TMC6: variants seen among roughly 807,000 people sequenced by gnomAD.
The protein encoded by TMC6 is transmembrane channel like 6.
In TMC6, 71 loss-of-function variants were observed where a neutral mutation model predicts 95.4. The ratio of observed to expected loss-of-function variants is 0.74; its 90% CI spans 0.61 to 0.91. The LOEUF (loss-of-function observed/expected upper bound fraction) is 0.91. Among genes scored for constraint, TMC6 ranks in the 40% least tolerant of loss-of-function variants. The pLI is 0.00. For missense variants in TMC6, 1,074 were observed against 1,079.1 expected, an observed-to-expected ratio of 1.00 and a Z score of 0.07; for synonymous variants, 514 against 483.1, an observed-to-expected ratio of 1.06 and a Z score of -0.84.
rs2074417768 is a variant in TMC6 at position 78,121,604 on chromosome 17, C to A, written c.1335G>T (p.Ala445=). The change falls in exon 11 of 20, where the codon GCG becomes GCT. Residue 445 remains alanine (A), a synonymous_variant. Transcript: ENST00000590602. This position sits in a 1 kb window ranked among gnomAD's most constrained non-coding sequence, Gnocchi z 5.6. ...GLVWLLCLGT[A]LGCAVAVHVF... is the part of the protein sequence containing the mutation. Reference sequence around the variant, plus strand: ...CGTGGACGGCCACGGCGCAGCCCAGCGCGGTCCCCAGACACAGCAGCCACA... The same window carrying A: ...CGTGGACGGCCACGGCGCAGCCCAGAGCGGTCCCCAGACACAGCAGCCACA... 6.2e-7 allele frequency: 1 copy of A among 1,611,428 alleles called. No homozygotes were observed. Among genetic ancestry groups the A allele is most frequent in the Non-Finnish European group, 8.5e-7 (1 of 1,179,640 alleles).
At position 78,122,619 on chromosome 17, in the gene TMC6, G is replaced by T; in HGVS notation, c.1213C>A (p.Arg405Ser). The stretch of plus-strand genomic sequence containing the variant: ...GGGCCACTCACCTTCAGCCGGGTGC[G>T]AATATTGTCCTGCTGGAGGCGGGAG... ...RASRLQQDNI[R>S]TRLKELLAEW... The change falls in exon 10 of 20, where the codon CGC becomes AGC. Residue 405 changes from arginine to serine, a missense_variant. By Grantham distance (110) the Arg-to-Ser change is moderately radical. Transcript: ENST00000590602. The surrounding 1 kb of genome is among the most constrained non-coding windows in gnomAD (Gnocchi z 4.9). 6.2e-7 allele frequency: 1 copy of T among 1,611,120 alleles called. No homozygotes were observed. The highest frequency in any genetic ancestry group is 8.5e-7 in the Non-Finnish European group (1 of 1,179,886).
chr17:78,124,519 C>T lies in TMC6; in HGVS notation c.891+5G>A. ...CCCCGTCCCCCAGTCCTAGGGCTTC[C>T]TCACCGCGCCTGTGAGGAGCTCCAG... is the stretch of plus-strand genomic sequence containing the variant. On this transcript the variant is annotated splice_donor_5th_base_variant and intron_variant, in intron 8 of 19. Transcript: ENST00000590602. The T allele has an allele frequency of 1.2e-6, 2 of 1,609,674 alleles. No individual in the cohort carries two copies. The highest frequency in any genetic ancestry group is 1.7e-6 in the Non-Finnish European group (2 of 1,179,810).
At position 78,115,208 on chromosome 17, in the gene TMC6, C is replaced by T. The variant is rs191219412; in HGVS notation, c.2278-1584G>A. Among the ~76,000 whole-genome samples, 3 of 152,338 alleles carry T rather than the reference C, an allele frequency of 2.0e-5. No individual in the cohort carries two copies. The East Asian group carries it at 5.8e-4, about 29-fold the overall frequency. On this transcript the variant is annotated intron_variant, in intron 18 of 19. Transcript: ENST00000590602. ...ACGAGCTGGGACGAGCTGCCTGGAG[C>T]CCTGGATCCTGGCACCAACTAGCCA...
chr17:78,131,337 C>G (rs946271218), upstream of TMC6: 2 of 589,870 alleles, frequency 3.4e-6, no homozygotes, highest in Non-Finnish European at 3.0e-6. Context: ...CGGGGCTGGG[C>G]CCGAATTCGA....
rs2074391823 is a variant in TMC6, at chr17:78,121,087, G to T, written c.1461C>A (p.Pro487=). Reference sequence around the variant, plus strand: ...GGGCGGCCAGGACACGGCACAGGTAGGGGGCCCCCAGGTTGAGGAGGCCAA... The same window carrying T: ...GGGCGGCCAGGACACGGCACAGGTATGGGGCCCCCAGGTTGAGGAGGCCAA... The part of the protein sequence containing the change: ...LVVGLLNLGA[P]YLCRVLAALE... The change falls in exon 12 of 20, where the codon CCC becomes CCA. Residue 487 remains proline, a synonymous_variant. Coordinates refer to ENST00000590602, the MANE Select transcript of TMC6 (RefSeq NM_001127198.5). The surrounding 1 kb of genome is among the most constrained non-coding windows in gnomAD (Gnocchi z 5.6). 6.2e-7 allele frequency: 1 copy of T among 1,612,872 alleles called. No homozygotes were observed. Among genetic ancestry groups the T allele is most frequent in the Non-Finnish European group, 8.5e-7 (1 of 1,179,882 alleles).
intron 9 of TMC6, among the ~76,000 whole-genome samples, chr17:78,123,692 T>C: frequency 8.4e-6 from 1 of 119,514 alleles, no homozygotes; most frequent in Non-Finnish European, 1.7e-5. Context: ...ATTGAGTGGG[T>C]GGATGGGGGG....
chr17:78,121,575 A>G lies in TMC6; in HGVS notation c.1364T>C (p.Phe455Ser), dbSNP rs1190658707. ...ALGCAVAVHV[F>S]SEFMIQSPEA... is the part of the protein sequence containing the mutation. ...CCGCACCTGGATCATGAACTCCGAG[A>G]AGACGTGGACGGCCACGGCGCAGCC... is the stretch of plus-strand genomic sequence containing the variant. The change falls in exon 11 of 20, where the codon TTC (phenylalanine) becomes TCC (serine). Residue 455 changes from phenylalanine to serine, a missense_variant. Phe to Ser is a radical substitution (Grantham distance 155). Coordinates refer to ENST00000590602, the MANE Select transcript of TMC6 (RefSeq NM_001127198.5). The surrounding 1 kb of genome is among the most constrained non-coding windows in gnomAD (Gnocchi z 5.6). 1 of 1,611,422 alleles carries G rather than the reference A, an allele frequency of 6.2e-7. No homozygotes were observed. Among genetic ancestry groups the G allele is most frequent in the Non-Finnish European group, 8.5e-7 (1 of 1,179,732 alleles).
chr17:78,109,165 G>A lies in TMC6; in HGVS notation c.*3983C>T. On this transcript the variant is annotated 3_prime_UTR_variant, in exon 20 of 20. Coordinates refer to ENST00000590602, the MANE Select transcript of TMC6 (RefSeq NM_001127198.5). ...GGCAACATCACGGCAGAACGGTAAA[G>A]GCAGAAAGCACAGTGCCCAGCAGCT... 3.2e-6 allele frequency: 1 copy of A among 313,306 alleles called. No homozygotes were observed. The highest frequency in any genetic ancestry group is 6.3e-6 in the Non-Finnish European group (1 of 158,224). 19.4% of individuals were successfully genotyped at this position (313,306 alleles called of 1,614,324 possible). A position where few individuals can be genotyped will look rare whatever the true frequency, so the allele number is the denominator to read the frequency against.
chr17:78,121,448 G>A lies in TMC6; in HGVS notation c.1383+108C>T. On this transcript the variant is annotated intron_variant, in intron 11 of 19. Coordinates refer to ENST00000590602, the MANE Select transcript of TMC6 (RefSeq NM_001127198.5). This position sits in a 1 kb window ranked among gnomAD's most constrained non-coding sequence, Gnocchi z 5.6. Reference sequence around the variant, plus strand: ...GGGCACAGCGTACGTGGCACCCTGGGCTGGCTGGGTGGAGGAGGAGAGGCA... The same window carrying A: ...GGGCACAGCGTACGTGGCACCCTGGACTGGCTGGGTGGAGGAGGAGAGGCA... 1 of 1,555,264 alleles carries A rather than the reference G, an allele frequency of 6.4e-7. No individual in the cohort carries two copies. The highest frequency in any genetic ancestry group is 1.2e-5 in the South Asian group (1 of 86,028).
At chr17:78,118,821 G>A (rs1045615168) in intron 15 of TMC6, 150 bp downstream of exon 15, 15 of 828,216 alleles carry the variant, frequency 1.8e-5, no homozygotes, top group Middle Eastern at 3.4e-4. Flanking sequence ...TCCCTTGGGC[G>A]GAGGGACAGG....
At position 78,124,729 on chromosome 17, in the gene TMC6, G is replaced by A. The variant is rs749326103; in HGVS notation, c.686C>T (p.Pro229Leu). 1.1e-4 allele frequency: 173 copies of A among 1,589,924 alleles called. No homozygotes were observed. In the Admixed American group the frequency reaches 1.9e-3, roughly 18 times the overall value. ...ALLSALQALM[P>L]WRYALKRIGG... ...GATGCGCTTCAGGGCGTAGCGCCAC[G>A]GCATCAGGGCCTGCAGGGCGGAGAG... is the stretch of plus-strand genomic sequence containing the variant. The change falls in exon 8 of 20, where the codon CCG becomes CTG. Residue 229 changes from proline to leucine, a missense_variant. Physicochemically the swap from Pro to Leu is moderately conservative, Grantham distance 98. Coordinates refer to ENST00000590602, the MANE Select transcript of TMC6 (RefSeq NM_001127198.5).
intron 18 of TMC6, among the ~76,000 whole-genome samples, chr17:78,115,185 G>A (rs543051284): frequency 6.3e-4 from 96 of 152,296 alleles, no homozygotes; most frequent in African/African-American, 2.2e-3. Flanking sequence ...TGCTTGGGAC[G>A]AGCTGGGACG....
chr17:78,109,497 C>A lies in TMC6; in HGVS notation c.*3651G>T, dbSNP rs1204846991. The A allele has an allele frequency of 2.2e-6, 1 of 456,668 alleles. No individual in the cohort carries two copies. Among genetic ancestry groups the A allele is most frequent in the Non-Finnish European group, 4.4e-6 (1 of 226,980 alleles). 28.3% of individuals were successfully genotyped at this position (456,668 alleles called of 1,614,324 possible). On this transcript the variant is annotated 3_prime_UTR_variant, in exon 20 of 20. Transcript: ENST00000590602. Reference sequence around the variant, plus strand: ...AGTGTAGTATGCCTGGGCCCCAGGTCATCATGAAAACCAGAAGCAGACACT... The same window carrying A: ...AGTGTAGTATGCCTGGGCCCCAGGTAATCATGAAAACCAGAAGCAGACACT...
At position 78,120,716 on chromosome 17, in the gene TMC6, C is replaced by A; in HGVS notation, c.1652G>T (p.Arg551Leu). Reference sequence around the variant, plus strand: ...GAGGACGAAGTCCATCACCAGGAACCGGTACAGCTCCTGGCCCACAAAATC... The same window carrying A: ...GAGGACGAAGTCCATCACCAGGAACAGGTACAGCTCCTGGCCCACAAAATC... Reference protein sequence around the residue: ...WEDFVGQELYRFLVMDFVLML... With the variant: ...WEDFVGQELYLFLVMDFVLML... Residue 551 changes from arginine to leucine, a missense_variant, in exon 13 of 20, where the codon CGG becomes CTG. By Grantham distance (102) the Arg-to-Leu change is moderately radical. Transcript: ENST00000590602. 6.2e-7 allele frequency: 1 copy of A among 1,613,986 alleles called. No homozygotes were observed. Among genetic ancestry groups the A allele is most frequent in the Non-Finnish European group, 8.5e-7 (1 of 1,180,020 alleles).
At position 78,117,658 on chromosome 17, in the gene TMC6, C is replaced by T. The variant is rs188155233; in HGVS notation, c.2022-14G>A. The T allele has an allele frequency of 4.3e-3, 6,692 of 1,560,822 alleles. 21 individuals are homozygous for T. The highest frequency in any genetic ancestry group is 5.2e-3 in the Non-Finnish European group (5,942 of 1,153,128). On this transcript the variant is annotated splice_polypyrimidine_tract_variant and intron_variant, in intron 16 of 19. Coordinates refer to ENST00000590602, the MANE Select transcript of TMC6 (RefSeq NM_001127198.5). ...GAGGGCTTCACCCTGGGGAAGATGC[C>T]GACCAGGAACCCTCACCCCGAGCAA...
rs558985374 is a variant in TMC6, at chr17:78,128,280, C to A, written c.-75+332G>T. Among the ~76,000 whole-genome samples the A allele has an allele frequency of 1.3e-5, 2 of 152,112 alleles. No homozygotes were observed. Among genetic ancestry groups the A allele is most frequent in the Non-Finnish European group, 2.9e-5 (2 of 68,008 alleles). ...AGAGCGGCTGCAACTCTGGGGCCAC[C>A]GAACCCGTCCAGCCGGCCTCCCTGT... is the stretch of plus-strand genomic sequence containing the variant. On this transcript the variant is annotated intron_variant, in intron 1 of 19. Coordinates refer to ENST00000590602, the MANE Select transcript of TMC6 (RefSeq NM_001127198.5). This position sits in a 1 kb window ranked among gnomAD's most constrained non-coding sequence, Gnocchi z 4.0.
At chr17:78,131,512 T>C (rs981322015), upstream of TMC6, 26 of 1,528,416 alleles carry the variant, frequency 1.7e-5, no homozygotes, top group African/African-American at 3.3e-4. Context: ...GCCAAGGCCT[T>C]AAGGCTCATC....
intron 5 of TMC6, 41 bp from the exon 6 acceptor site, chr17:78,125,304 C>T (rs1438278476): frequency 6.5e-7 from 1 of 1,531,406 alleles, no homozygotes; most frequent in Non-Finnish European, 8.8e-7. Flanking sequence ...CCCCAAGTGC[C>T]CCTCCCTGCA....
chr17:78,131,576 C>G, upstream of TMC6: 1 of 1,542,672 alleles, frequency 6.5e-7, no homozygotes. Flanking sequence ...AGCCTCTACC[C>G]GTGCCCGCCG....
Sources: gnomAD v4.1 joint callset for allele counts (sites outside exome capture counted in the v4.1 genomes callset) on GRCh38, gnomAD v4.1.1 for gene constraint, Gnocchi (gnomAD v3.1) non-coding constraint, MANE v1.5 for transcripts, NCBI Gene and HGNC (gene_info 2026-07-23, HGNC 2026-07-21) for gene names.